C8orf34: variants seen among roughly 807,000 people sequenced by gnomAD.
C8orf34 encodes chromosome 8 open reading frame 34.
Under a neutral mutation model 68.3 loss-of-function variants are expected in C8orf34, and 65 were observed. The observed-to-expected ratio is 0.95, with a 90% CI of 0.78 to 1.17. C8orf34 has a LOEUF of 1.17. Ranked by LOEUF, C8orf34 falls within the 50% of genes most tolerant of loss-of-function variation. C8orf34 has a pLI of 0.00. For synonymous variants in C8orf34, 244 were observed against 241.2 expected (o/e 1.01, Z -0.11); for missense variants, 664 against 655.4 (o/e 1.01, Z -0.14).
chr8:68,446,533 A>G (rs1294029836), intron 3 of C8orf34, 73 bp downstream of exon 3: 4 of 1,497,736 alleles, frequency 2.7e-6, no homozygotes, highest in African/African-American at 1.4e-5. Flanking sequence ...AAGAAAAGGT[A>G]TTAATTGAAG....
chr8:68,398,854 G>A (rs900787316), intron 1 of C8orf34, among the ~76,000 whole-genome samples: 1 of 152,162 alleles, frequency 6.6e-6, no homozygotes, highest in Admixed American at 6.6e-5. Flanking sequence ...CAGCGCAGCA[G>A]TGTCTTACTC....
chr8:68,626,086 T>A (rs913781326), intron 7 of C8orf34, among the ~76,000 whole-genome samples: 2 of 152,092 alleles, frequency 1.3e-5, no homozygotes, highest in Non-Finnish European at 2.9e-5. Flanking sequence ...AAGAGAGCAA[T>A]GTTTAAAATC....
chr8:68,797,222 C>T (rs561445883), intron 12 of C8orf34, among the ~76,000 whole-genome samples: 20 of 152,296 alleles, frequency 1.3e-4, no homozygotes, highest in African/African-American at 4.1e-4. Context: ...GTGCTCTAAG[C>T]GCTTAGGAGA....
At position 68,435,837 on chromosome 8, in the gene C8orf34, G is replaced by A. The variant is rs548001209; in HGVS notation, c.328-3662G>A. Among the ~76,000 whole-genome samples the A allele has an allele frequency of 3.9e-5, 6 of 152,244 alleles. No individual in the cohort carries two copies. In the South Asian group the frequency reaches 6.2e-4, roughly 16 times the overall value. On this transcript the variant is annotated intron_variant, in intron 1 of 13. Coordinates refer to ENST00000518698, the MANE Select transcript of C8orf34 (RefSeq NM_052958.4). ...ATCTTATTTAATCTCCATGGCAACC[G>A]TATGATGTAGCTACTATTGTTTTTC...
chr8:68,374,901 A>T (rs1807726733), intron 1 of C8orf34, among the ~76,000 whole-genome samples: 1 of 152,184 alleles, frequency 6.6e-6, no homozygotes, highest in African/African-American at 2.4e-5. Context: ...AGTAAGGTAA[A>T]TATTCTCTAC....
At chr8:68,468,566 C>A in intron 3 of C8orf34, 126 bp from the exon 4 acceptor site, 1 of 869,214 alleles carries the variant, frequency 1.2e-6, no homozygotes, top group Non-Finnish European at 1.6e-6. Context: ...ACAAGCAAAC[C>A]ATCTTCAAGA....
chr8:68,644,231 T>C (rs999288579), intron 8 of C8orf34, among the ~76,000 whole-genome samples: 12 of 152,088 alleles, frequency 7.9e-5, no homozygotes, highest in Non-Finnish European at 1.8e-4. Context: ...ACCCTCTTCA[T>C]AGGGGAGAGG....
At chr8:68,342,195 T>G (rs1806099946) in intron 1 of C8orf34, among the ~76,000 whole-genome samples, 1 of 152,142 alleles carries the variant, frequency 6.6e-6, no homozygotes, top group African/African-American at 2.4e-5. Context: ...AAACATAATA[T>G]TTGTCAATAA....
intron 3 of C8orf34, among the ~76,000 whole-genome samples, chr8:68,463,253 TCTCTGAATAGACCAATAACA>T: frequency 6.6e-6 from 1 of 152,116 alleles, no homozygotes; most frequent in Middle Eastern, 3.4e-3. Flanking sequence ...AGAAGTTGAA[TCTCTGAATAGACCAATAACA>T]GGCTCTGAAA....
chr8:68,648,791 A>C (rs1424461939), intron 8 of C8orf34, among the ~76,000 whole-genome samples: 1 of 152,166 alleles, frequency 6.6e-6, no homozygotes, highest in East Asian at 1.9e-4. Context: ...ATTCAACCAA[A>C]GATTGTTCTT....
chr8:68,519,769 T>C (rs1248006366), intron 5 of C8orf34, among the ~76,000 whole-genome samples: 1 of 152,190 alleles, frequency 6.6e-6, no homozygotes, highest in African/African-American at 2.4e-5. Flanking sequence ...CTATGTTATT[T>C]ACTAATTCAT....
At chr8:68,330,616 A>C, upstream of C8orf34, 1 of 174,470 alleles carries the variant, frequency 5.7e-6, no homozygotes, top group Non-Finnish European at 1.2e-5. Context: ...TGTAGCTGCC[A>C]AGGAGTAGCC....
chr8:68,703,610 A>G (rs745584703), intron 8 of C8orf34, among the ~76,000 whole-genome samples: 21 of 152,270 alleles, frequency 1.4e-4, no homozygotes, highest in Middle Eastern at 3.4e-3. Flanking sequence ...TCAAATGCTC[A>G]GGGATTTTAG....
intron 7 of C8orf34, among the ~76,000 whole-genome samples, chr8:68,560,605 A>G (rs1359777699): frequency 6.6e-6 from 1 of 152,250 alleles, no homozygotes; most frequent in Non-Finnish European, 1.5e-5. Context: ...TATTGCTCCT[A>G]TAAACCTGTA....
intron 4 of C8orf34, 146 bp downstream of exon 4, chr8:68,468,966 G>A (rs763480747): frequency 3.6e-5 from 31 of 870,882 alleles, no homozygotes; most frequent in Non-Finnish European, 5.3e-5. Context: ...AGATTGGAAA[G>A]GAACTTGATT....
intron 8 of C8orf34, among the ~76,000 whole-genome samples, chr8:68,654,097 C>T (rs1227243110): frequency 6.6e-6 from 1 of 151,972 alleles, no homozygotes; most frequent in African/African-American, 2.4e-5. Context: ...ATAAAGATAC[C>T]TGCATTCATT....
intron 3 of C8orf34, among the ~76,000 whole-genome samples, chr8:68,463,505 C>A (rs1025501012): frequency 1.3e-5 from 2 of 152,162 alleles, no homozygotes; most frequent in Non-Finnish European, 2.9e-5. Flanking sequence ...GAATTTTAGA[C>A]CAATATCCTT....
At chr8:68,519,588 T>G (rs1271262252) in intron 5 of C8orf34, among the ~76,000 whole-genome samples, 1 of 151,080 alleles carries the variant, frequency 6.6e-6, no homozygotes, top group African/African-American at 2.5e-5. Context: ...ATATAACCCT[T>G]GGCTTATATT....
chr8:68,529,627 A>G (rs1815160850), intron 6 of C8orf34, among the ~76,000 whole-genome samples: 1 of 152,178 alleles, frequency 6.6e-6, no homozygotes, highest in Non-Finnish European at 1.5e-5. Context: ...TATAATATAG[A>G]GTTTATGCAA....
Sources: allele counts gnomAD v4.1 joint callset (sites outside exome capture counted in the v4.1 genomes callset), GRCh38; gene constraint gnomAD v4.1.1; transcripts MANE v1.5; gene names NCBI Gene and HGNC (gene_info 2026-07-23, HGNC 2026-07-21).